Variants in CNTROB observed in about 807,000 individuals in gnomAD.
The protein encoded by CNTROB is centrobin, centriole duplication and spindle assembly protein.
In CNTROB, 82 loss-of-function variants were observed where a neutral mutation model predicts 115.7. That is an observed-to-expected ratio of 0.71 (90% confidence interval 0.59 to 0.85). The LOEUF (loss-of-function observed/expected upper bound fraction) is 0.85. Among genes scored for constraint, CNTROB ranks in the 40% least tolerant of loss-of-function variants. The pLI, the probability that CNTROB is intolerant of heterozygous loss-of-function variation, is 0.00. For missense variants in CNTROB, 1,014 were observed against 1,144.4 expected (o/e 0.89, Z 1.64); for synonymous variants, 439 against 456.4 (o/e 0.96, Z 0.49).
In CNTROB at chr17:7,943,036, C is replaced by T. The variant is rs1974100508; in HGVS notation, c.1312-355C>T. On this transcript the variant is annotated intron_variant, in intron 9 of 18. Coordinates refer to ENST00000563694, the MANE Select transcript of CNTROB (RefSeq NM_053051.5). The surrounding 1 kb of genome is among the most constrained non-coding windows in gnomAD (Gnocchi z 4.7). The stretch of plus-strand genomic sequence containing the variant: ...CAAGATGGTCTCGATCTCCTGACCT[C>T]GTGATCCGCCCGTCTCGGCCTCCCA... Among the ~76,000 whole-genome samples, 2 of 151,522 alleles carry T rather than the reference C, an allele frequency of 1.3e-5. No homozygotes were observed. Among genetic ancestry groups the T allele is most frequent in the Non-Finnish European group, 1.5e-5 (1 of 67,884 alleles).
intron 12 of CNTROB, 127 bp from the exon 13 acceptor site, chr17:7,945,601 G>T (rs1326483414): frequency 1.0e-6 from 1 of 975,430 alleles, no homozygotes; most frequent in East Asian, 2.5e-5. Flanking sequence ...TCCTCCCAAA[G>T]TGTTGGGATT....
chr17:7,937,682 A>C lies in CNTROB; in HGVS notation c.927+420A>C, dbSNP rs1047341093. 2.0e-5 allele frequency among the ~76,000 whole-genome samples: 3 copies of C among 152,124 alleles called. No individual in the cohort carries two copies. In the South Asian group the frequency reaches 6.2e-4, roughly 32 times the overall value. Reference sequence around the variant, plus strand: ...GCTGGACATGGTGGTGCATGCCTGTAGTCCCAGCGACTTGGGAGGCTGAGG... The same window carrying C: ...GCTGGACATGGTGGTGCATGCCTGTCGTCCCAGCGACTTGGGAGGCTGAGG... On this transcript the variant is annotated intron_variant, in intron 7 of 18. Coordinates refer to ENST00000563694, the MANE Select transcript of CNTROB (RefSeq NM_053051.5).
intron 3 of CNTROB, 105 bp downstream of exon 3, chr17:7,934,651 A>T (rs1002795086): frequency 9.9e-7 from 1 of 1,007,202 alleles, no homozygotes; most frequent in Non-Finnish European, 1.5e-6. Flanking sequence ...TAAGAACCCA[A>T]GAGGCTTATC....
At position 7,939,462 on chromosome 17, in the gene CNTROB, C is replaced by T; in HGVS notation, c.928-51C>T. 1.3e-6 allele frequency: 2 copies of T among 1,487,172 alleles called. No individual in the cohort carries two copies. Among genetic ancestry groups the T allele is most frequent in the Non-Finnish European group, 1.9e-6 (2 of 1,068,898 alleles). The allele number at this position is 1,487,172 out of a possible 1,614,324, so 92.1% of individuals were successfully genotyped here. On this transcript the variant is annotated intron_variant, in intron 7 of 18. Transcript: ENST00000563694. The surrounding 1 kb of genome is among the most constrained non-coding windows in gnomAD (Gnocchi z 4.4). ...TGTATGAGGGTCAGAGGGCAGATCG[C>T]TGGTCTCTGAAGAGCCTACTAAGGA...
chr17:7,949,258 C>T (rs1390002131), intron 18 of CNTROB, 101 bp downstream of exon 18: 1 of 1,563,822 alleles, frequency 6.4e-7, no homozygotes, highest in African/African-American at 1.4e-5. Context: ...TCCACCCCTG[C>T]ATTCTGTAGC....
rs776948318 is a variant in CNTROB at position 7,944,252 on chromosome 17, C to G, written c.1571+4C>G. 1.3e-5 allele frequency: 21 copies of G among 1,613,716 alleles called. No individual in the cohort carries two copies. The South Asian group carries it at 2.2e-4, about 17-fold the overall frequency. On this transcript the variant is annotated splice_donor_region_variant and intron_variant, in intron 11 of 18. Coordinates refer to ENST00000563694, the MANE Select transcript of CNTROB (RefSeq NM_053051.5). The surrounding 1 kb of genome is among the most constrained non-coding windows in gnomAD (Gnocchi z 4.0). ...TGGCTGAGGACTACGAGCTCAGGTCCTGGTCCCCAGAGTGCCCCTTTCAGG... is the reference window on the plus strand; with the variant it reads ...TGGCTGAGGACTACGAGCTCAGGTCGTGGTCCCCAGAGTGCCCCTTTCAGG...
intron 7 of CNTROB, among the ~76,000 whole-genome samples, chr17:7,938,395 A>G (rs1319321825): frequency 6.6e-6 from 1 of 151,822 alleles, no homozygotes; most frequent in Non-Finnish European, 1.5e-5. Flanking sequence ...TGCATAATGC[A>G]TGCTTGCTAC....
Position 7,935,160 on chromosome 17 carries a change from C to T in CNTROB, c.594+15C>T, listed in dbSNP as rs12602121. On this transcript the variant is annotated intron_variant, in intron 4 of 18. Coordinates refer to ENST00000563694, the MANE Select transcript of CNTROB (RefSeq NM_053051.5). ...CCCGCCGCAAGGTAAGATGCAAACG[C>T]TTCCTTTCGAAAGCAGCAAAGATTA... 1.5e-3 allele frequency: 2,453 copies of T among 1,613,964 alleles called. 53 individuals carry two copies. In the East Asian group the frequency reaches 0.041, roughly 27 times the overall value.
chr17:7,949,325 G>A, intron 18 of CNTROB, 60 bp from the exon 19 acceptor site: 2 of 1,605,990 alleles, frequency 1.2e-6, no homozygotes, highest in Non-Finnish European at 1.7e-6. Context: ...TTCCTCAGTG[G>A]GGTGGGGAAT....
In CNTROB at chr17:7,935,091, C is replaced by T. The variant is rs1972990458; in HGVS notation, c.540C>T (p.Pro180=). 6 of 1,614,206 alleles carry T rather than the reference C, an allele frequency of 3.7e-6. No homozygotes were observed. The highest frequency in any genetic ancestry group is 2.7e-5 in the African/African-American group (2 of 75,054). The part of the protein sequence containing the change: ...TSLRPGPPLN[P]PDFQGLRDAL... Reference sequence around the variant, plus strand: ...TTCGGCCAGGGCCTCCACTCAATCCCCCAGATTTTCAGGGGCTGAGAGATG... The same window carrying T: ...TTCGGCCAGGGCCTCCACTCAATCCTCCAGATTTTCAGGGGCTGAGAGATG... Residue 180 remains proline, a synonymous_variant, in exon 4 of 19, where the codon CCC becomes CCT. Transcript: ENST00000563694.
intron 7 of CNTROB, among the ~76,000 whole-genome samples, chr17:7,937,545 T>C (rs912899564): frequency 1.3e-5 from 2 of 152,216 alleles, no homozygotes; most frequent in African/African-American, 4.8e-5. Context: ...GGCTCACCCC[T>C]GTAATCCCAG....
rs377460163 is a variant in CNTROB, at chr17:7,935,140, C to G, written c.589C>G (p.Arg197Gly). 6 of 1,614,140 alleles carry G rather than the reference C, an allele frequency of 3.7e-6. No individual in the cohort carries two copies. In the African/African-American group the frequency reaches 8.0e-5, roughly 22 times the overall value. Residue 197 changes from arginine (R) to glycine (G), a missense_variant, in exon 4 of 19, where the codon CGC becomes GGC. By Grantham distance (125) the Arg-to-Gly change is moderately radical. Coordinates refer to ENST00000563694, the MANE Select transcript of CNTROB (RefSeq NM_053051.5). ...TGCATTGGATTCAGAGCATACCCGC[C>G]GCAAGGTAAGATGCAAACGCTTCCT... Reference protein sequence around the residue: ...RDALDSEHTRRKHCERHIQSL... With the variant: ...RDALDSEHTRGKHCERHIQSL...
At chr17:7,936,099 G>A in intron 4 of CNTROB, 1 of 426,502 alleles carries the variant, frequency 2.3e-6, no homozygotes, top group Non-Finnish European at 4.3e-6. Flanking sequence ...AAAGGTTTAT[G>A]GGATTTTTAC....
chr17:7,933,777 A>G (rs564381992), intron 1 of CNTROB, among the ~76,000 whole-genome samples: 1 of 152,336 alleles, frequency 6.6e-6, no homozygotes, highest in Admixed American at 6.5e-5. Context: ...GTCAACTACA[A>G]CATGTTACAG....
In CNTROB at chr17:7,948,823, C is replaced by T; in HGVS notation, c.2513+204C>T. ...CTTTCTATTGCTTTTTTCTTCTAAA[C>T]AAAAAAATCTTTTCCCCGGGTCTCT... On this transcript the variant is annotated intron_variant, in intron 17 of 18. Transcript: ENST00000563694. The surrounding 1 kb of genome is among the most constrained non-coding windows in gnomAD (Gnocchi z 4.4). 1 of 1,464,584 alleles carries T rather than the reference C, an allele frequency of 6.8e-7. No homozygotes were observed. Among genetic ancestry groups the T allele is most frequent in the East Asian group, 2.5e-5 (1 of 40,238 alleles). The allele number at this position is 1,464,584 out of a possible 1,614,324, so 90.7% of individuals were successfully genotyped here.
At position 7,937,188 on chromosome 17, in the gene CNTROB, C is replaced by T. The variant is rs1416108898; in HGVS notation, c.853C>T (p.Leu285Phe). Residue 285 changes from leucine (L) to phenylalanine (F), a missense_variant, in exon 7 of 19, where the codon CTT becomes TTT. Leu to Phe is a conservative substitution (Grantham distance 22). Transcript: ENST00000563694. ...QETVTRLEQS[L>F]SEAMEALNRE... ...GACAGTAACCCGCCTGGAACAAAGC[C>T]TTTCTGAGGCCATGGAGGCCCTGAA... 2 of 1,614,062 alleles carry T rather than the reference C, an allele frequency of 1.2e-6. No individual in the cohort carries two copies. The highest frequency in any genetic ancestry group is 1.7e-6 in the Non-Finnish European group (2 of 1,180,012).
At chr17:7,937,083 T>C in intron 6 of CNTROB, 81 bp from the exon 7 acceptor site, 1 of 1,553,492 alleles carries the variant, frequency 6.4e-7, no homozygotes, top group Middle Eastern at 1.7e-4. Context: ...GTTTCAAGTT[T>C]ACATTGTCAA....
At chr17:7,949,352 T>C in intron 18 of CNTROB, 33 bp from the exon 19 acceptor site, 1 of 1,612,326 alleles carries the variant, frequency 6.2e-7, no homozygotes, top group Non-Finnish European at 8.5e-7. Flanking sequence ...GATCTGACGC[T>C]GATTTCTTCC....
At chr17:7,937,995 T>G (rs886511126) in intron 7 of CNTROB, among the ~76,000 whole-genome samples, 3 of 120,940 alleles carry the variant, frequency 2.5e-5, no homozygotes, top group African/African-American at 3.5e-5. Flanking sequence ...TCAAGTTTCT[T>G]TTCGTGTTTT....
Sources: gnomAD v4.1 joint callset for allele counts (sites outside exome capture counted in the v4.1 genomes callset) on GRCh38, gnomAD v4.1.1 for gene constraint, Gnocchi (gnomAD v3.1) non-coding constraint, MANE v1.5 for transcripts, NCBI Gene and HGNC (gene_info 2026-07-23, HGNC 2026-07-21) for gene names.